AKAP13: variants seen among roughly 807,000 people sequenced by gnomAD.
The protein encoded by AKAP13 is A-kinase anchoring protein 13, also known as A-kinase anchor protein 13.
In AKAP13, 80 loss-of-function variants were observed where a neutral mutation model predicts 264.5. That is an observed-to-expected ratio of 0.30 (90% CI 0.25 to 0.36). AKAP13 has a LOEUF of 0.36. Ranked by LOEUF, AKAP13 falls within the 10% of genes least tolerant of loss-of-function variation. AKAP13 has a pLI of 1.00. For missense variants in AKAP13, 3,712 were observed against 3,435.2 expected (o/e 1.08, Z -2.01); for synonymous variants, 1,380 against 1,250.2 (o/e 1.10, Z -2.19).
rs550658252 is a variant in AKAP13, at chr15:85,436,863, C to T, written c.-11-48847C>T. 5.0e-4 allele frequency among the ~76,000 whole-genome samples: 76 copies of T among 152,030 alleles called. 1 individual carries two copies. The highest frequency in any genetic ancestry group is 1.4e-3 in the African/African-American group (60 of 41,470). On this transcript the variant is annotated intron_variant, in intron 1 of 36. Coordinates refer to ENST00000394518, the MANE Select transcript of AKAP13 (RefSeq NM_007200.5). ...AGCACTAAATGCCCACAAGAGAAAGCAGGAAAGATCCAAAATTGACACCCT... is the reference window on the plus strand; with the variant it reads ...AGCACTAAATGCCCACAAGAGAAAGTAGGAAAGATCCAAAATTGACACCCT...
Position 85,604,926 on chromosome 15 carries a change from T to C in AKAP13, c.4161+19103T>C, listed in dbSNP as rs1428935673. Among the ~76,000 whole-genome samples the C allele has an allele frequency of 2.0e-5, 3 of 152,332 alleles. No individual in the cohort carries two copies. In the East Asian group the frequency reaches 5.8e-4, roughly 29 times the overall value. On this transcript the variant is annotated intron_variant, in intron 8 of 36. Coordinates refer to ENST00000394518, the MANE Select transcript of AKAP13 (RefSeq NM_007200.5). ...TAAGCTCTTGAATACCACTGATGTT[T>C]ACTGTAACATCTTCATAGGGCAGTC...
At chr15:85,654,451 C>A (rs150769458) in intron 10 of AKAP13, among the ~76,000 whole-genome samples, 34 of 152,118 alleles carry the variant, frequency 2.2e-4, no homozygotes, top group African/African-American at 8.0e-4. Context: ...ATACAAAAAA[C>A]CCAGAGACAG....
chr15:85,740,775 A>AACCCCCCC (rs2088908529), intron 34 of AKAP13, among the ~76,000 whole-genome samples: 1 of 67,388 alleles, frequency 1.5e-5, no homozygotes, highest in Non-Finnish European at 2.6e-5. Context: ...ACACACAACC[A>AACCCCCCC]CCCCCCCCCC....
Position 85,726,447 on chromosome 15 carries a change from C to T in AKAP13, c.6783C>T (p.Phe2261=), listed in dbSNP as rs773710234. 3.7e-6 allele frequency: 6 copies of T among 1,613,632 alleles called. No homozygotes were observed. In the Admixed American group the frequency reaches 1.0e-4, roughly 27 times the overall value. The stretch of plus-strand genomic sequence containing the variant: ...TTCTTCTCACTGACATTTTAGTTTT[C>T]CTTCAAGAAAAAGACCAGAAGTACA... The part of the protein sequence containing the change: ...QAVLLTDILV[F]LQEKDQKYIF... Residue 2261 remains phenylalanine, a synonymous_variant, in exon 27 of 37, where the codon TTC becomes TTT. Coordinates refer to ENST00000394518, the MANE Select transcript of AKAP13 (RefSeq NM_007200.5).
In AKAP13 at chr15:85,654,963, G is replaced by T. The variant is rs547687592; in HGVS notation, c.4375-454G>T. 5.3e-5 allele frequency among the ~76,000 whole-genome samples: 8 copies of T among 152,274 alleles called. No individual in the cohort carries two copies. The East Asian group carries it at 1.5e-3, about 29-fold the overall frequency. ...TCCCACCATTTTGGGAGGCTGAGGTGGGTCGATCATTTGAAGTTAGGCGTT... is the reference window on the plus strand; with the variant it reads ...TCCCACCATTTTGGGAGGCTGAGGTTGGTCGATCATTTGAAGTTAGGCGTT... On this transcript the variant is annotated intron_variant, in intron 10 of 36. Transcript: ENST00000394518.
Position 85,655,544 on chromosome 15 carries a change from G to A in AKAP13, c.4502G>A (p.Arg1501Lys), listed in dbSNP as rs995307907. The A allele has an allele frequency of 6.2e-7, 1 of 1,614,238 alleles. No individual in the cohort carries two copies. The highest frequency in any genetic ancestry group is 8.5e-7 in the Non-Finnish European group (1 of 1,180,044). Residue 1501 changes from arginine to lysine, a missense_variant, in exon 11 of 37, where the codon AGG (arginine) becomes AAG (lysine). Around this residue, in one of 3 missense-constraint regions of AKAP13, gnomAD observed 2,759 missense variants for 2,411.7 expected, o/e 1.14. Coordinates refer to ENST00000394518, the MANE Select transcript of AKAP13 (RefSeq NM_007200.5). ...VSLSQILKPN[R>K]SRDRQSLDGF... ...CTCTCCCAGATTTTAAAGCCAAACAGGTCAAGAGATCGGCAAAGCCTTGAT... is the reference window on the plus strand; with the variant it reads ...CTCTCCCAGATTTTAAAGCCAAACAAGTCAAGAGATCGGCAAAGCCTTGAT...
At chr15:85,402,014 T>G (rs1396466438) in intron 1 of AKAP13, among the ~76,000 whole-genome samples, 2 of 152,214 alleles carry the variant, frequency 1.3e-5, no homozygotes, top group Non-Finnish European at 2.9e-5. Context: ...ATTCAATAAA[T>G]TTGGTTTAGT....
intron 5 of AKAP13, chr15:85,555,531 AT>A (rs2078112381): frequency 5.9e-6 from 7 of 1,191,982 alleles, no homozygotes; most frequent in African/African-American, 3.1e-5. Flanking sequence ...GTTAATCTTC[AT>A]TGTTTATTCT....
chr15:85,680,566 G>A (rs2084533363), intron 14 of AKAP13, among the ~76,000 whole-genome samples: 1 of 152,138 alleles, frequency 6.6e-6, no homozygotes, highest in Admixed American at 6.5e-5. Context: ...ATTCCTACCT[G>A]TTGGCAATTT....
At chr15:85,668,274 T>A (rs1266021346) in intron 13 of AKAP13, among the ~76,000 whole-genome samples, 1 of 152,222 alleles carries the variant, frequency 6.6e-6, no homozygotes, top group East Asian at 1.9e-4. Context: ...AGTAACGGAT[T>A]TTTCACTGCT....
At chr15:85,520,357 G>T (rs1191468956) in intron 2 of AKAP13, among the ~76,000 whole-genome samples, 3 of 151,900 alleles carry the variant, frequency 2.0e-5, no homozygotes, top group Non-Finnish European at 4.4e-5. Flanking sequence ...ATTTAGCTGG[G>T]CGTGGTGGTG....
intron 16 of AKAP13, among the ~76,000 whole-genome samples, chr15:85,688,906 G>C (rs970958151): frequency 3.3e-5 from 5 of 152,196 alleles, no homozygotes; most frequent in Non-Finnish European, 7.4e-5. Flanking sequence ...AGATAGTGCT[G>C]TTTCCTGCTA....
intron 8 of AKAP13, among the ~76,000 whole-genome samples, chr15:85,614,589 G>C (rs1238096488): frequency 1.3e-5 from 2 of 152,010 alleles, no homozygotes; most frequent in African/African-American, 4.8e-5. Flanking sequence ...TCAAATGTAG[G>C]GATATTGATT....
chr15:85,634,015 G>C (rs894594062), intron 8 of AKAP13, among the ~76,000 whole-genome samples: 15 of 152,144 alleles, frequency 9.9e-5, no homozygotes, highest in African/African-American at 3.4e-4. Context: ...TGAAGATTCA[G>C]TTCCATTCAG....
intron 8 of AKAP13, chr15:85,627,589 A>G (rs1299888562): frequency 6.6e-6 from 1 of 152,176 alleles, no homozygotes; most frequent in Non-Finnish European, 1.5e-5. Flanking sequence ...GACAGGGTCC[A>G]CCCTTGTTAG....
intron 5 of AKAP13, among the ~76,000 whole-genome samples, chr15:85,565,490 T>G (rs1478307285): frequency 1.3e-5 from 2 of 152,204 alleles, no homozygotes. Flanking sequence ...TCAAGGTAAA[T>G]TTTAGATACC....
intron 17 of AKAP13, among the ~76,000 whole-genome samples, chr15:85,693,931 T>G (rs1353625701): frequency 6.6e-6 from 1 of 152,198 alleles, no homozygotes; most frequent in African/African-American, 2.4e-5. Context: ...GAAGGTTAGG[T>G]GTATTTAAAT....
intron 18 of AKAP13, among the ~76,000 whole-genome samples, chr15:85,709,721 T>C (rs888394782): frequency 6.7e-6 from 1 of 148,562 alleles, no homozygotes; most frequent in African/African-American, 2.5e-5. Flanking sequence ...AGAGTCTCAC[T>C]GTGTCACCCA....
At chr15:85,526,146 T>C (rs912998622) in intron 3 of AKAP13, among the ~76,000 whole-genome samples, 5 of 152,202 alleles carry the variant, frequency 3.3e-5, no homozygotes, top group Non-Finnish European at 7.3e-5. Flanking sequence ...TAAAAAAGAA[T>C]AATACATTTA....
Sources: gnomAD v4.1 joint callset for allele counts (sites outside exome capture counted in the v4.1 genomes callset) on GRCh38, gnomAD v4.1.1 for gene constraint, gnomAD v4.1.1 regional missense constraint, MANE v1.5 for transcripts, NCBI Gene and HGNC (gene_info 2026-07-23, HGNC 2026-07-21) for gene names.